COL14A1: variants seen among roughly 807,000 people sequenced by gnomAD.
COL14A1 encodes the protein collagen alpha-1(XIV) chain.
COL14A1 carries 136 observed loss-of-function variants against 230.3 expected under a neutral mutation model. The ratio of observed to expected loss-of-function variants is 0.59; its 90% CI spans 0.51 to 0.68. The LOEUF is 0.68. Among genes scored for constraint, COL14A1 ranks in the 30% least tolerant of loss-of-function variants. COL14A1 has a pLI of 0.00. For missense variants in COL14A1, 1,976 were observed against 2,215.8 expected (o/e 0.89, Z 2.17); for synonymous variants, 792 against 784.1 (o/e 1.01, Z -0.17).
At position 120,300,736 on chromosome 8, in the gene COL14A1, A is replaced by T. The variant is rs772634503; in HGVS notation, c.4319A>T (p.Asp1440Val). Residue 1440 changes from aspartate (D) to valine (V), a missense_variant, in exon 36 of 48, where the codon GAT (aspartate) becomes GTT (valine). This residue lies in a region of COL14A1 where 1,791 missense variants were observed against 2,019.5 expected (regional missense o/e 0.89). Coordinates refer to ENST00000297848, the MANE Select transcript of COL14A1 (RefSeq NM_021110.4). The stretch of plus-strand genomic sequence containing the variant: ...GCTTTTTTTGTTTCTTTTCAGAGAG[A>T]TGATGAGTCTTGCCCAGACCTTCCC... Reference protein sequence around the residue: ...DKCCELPGLRDDESCPDLPHS... With the variant: ...DKCCELPGLRVDESCPDLPHS... 2 of 1,612,658 alleles carry T rather than the reference A, an allele frequency of 1.2e-6. No individual in the cohort carries two copies. The highest frequency in any genetic ancestry group is 1.1e-5 in the South Asian group (1 of 90,878).
At chr8:120,342,588 C>G in intron 44 of COL14A1, 142 bp downstream of exon 44, 1 of 756,578 alleles carries the variant, frequency 1.3e-6, no homozygotes, top group Non-Finnish European at 2.2e-6. Flanking sequence ...AGATGACCAT[C>G]ACTGACCCAT....
At chr8:120,167,740 A>T (rs73321638) in intron 4 of COL14A1, among the ~76,000 whole-genome samples, 1,678 of 152,278 alleles carry the variant, frequency 0.011, 27 homozygotes, top group African/African-American at 0.037. Context: ...ATCTTTCTAG[A>T]ATGGGGACCA....
intron 32 of COL14A1, among the ~76,000 whole-genome samples, chr8:120,284,281 T>C (rs1338128236): frequency 6.6e-6 from 1 of 152,100 alleles, no homozygotes; most frequent in Non-Finnish European, 1.5e-5. Flanking sequence ...AACTAGAAAA[T>C]GAGTCTAGAA....
chr8:120,362,281 G>T (rs767904333), intron 45 of COL14A1, among the ~76,000 whole-genome samples: 1 of 152,170 alleles, frequency 6.6e-6, no homozygotes, highest in Non-Finnish European at 1.5e-5. Context: ...AGCAGTGCCT[G>T]CCCTCTTGGC....
intron 13 of COL14A1, chr8:120,213,890 A>C (rs1817678957): frequency 2.5e-6 from 1 of 404,526 alleles, no homozygotes; most frequent in African/African-American, 2.2e-5. Flanking sequence ...TGTGCACACT[A>C]CTTAATTATA....
chr8:120,220,067 T>C (rs1375403367), intron 14 of COL14A1, among the ~76,000 whole-genome samples: 1 of 152,138 alleles, frequency 6.6e-6, no homozygotes, highest in African/African-American at 2.4e-5. Flanking sequence ...AAGCATCTTT[T>C]ACTGAAGTGA....
intron 38 of COL14A1, 98 bp from the exon 39 acceptor site, chr8:120,315,435 G>A (rs1044340071): frequency 1.2e-6 from 1 of 826,834 alleles, no homozygotes; most frequent in Non-Finnish European, 1.9e-6. Context: ...GTGCAAACGC[G>A]ATTTACTGTG....
chr8:120,261,446 G>A (rs1819326381), intron 23 of COL14A1, among the ~76,000 whole-genome samples: 2 of 152,154 alleles, frequency 1.3e-5, no homozygotes, highest in Admixed American at 1.3e-4. Flanking sequence ...TATTGCTGTT[G>A]TTATAATTAA....
At chr8:120,255,625 C>A (rs1819122082) in intron 23 of COL14A1, among the ~76,000 whole-genome samples, 1 of 152,130 alleles carries the variant, frequency 6.6e-6, no homozygotes, top group African/African-American at 2.4e-5. Flanking sequence ...CTGAGATATT[C>A]CACATAAAGC....
chr8:120,135,795 T>G (rs1011297826), intron 1 of COL14A1, among the ~76,000 whole-genome samples: 2 of 152,160 alleles, frequency 1.3e-5, no homozygotes, highest in South Asian at 4.1e-4. Context: ...AATACACTTT[T>G]ATATTTTGGT....
chr8:120,368,567 A>G (rs368538631), intron 46 of COL14A1, among the ~76,000 whole-genome samples: 2 of 151,196 alleles, frequency 1.3e-5, no homozygotes, highest in African/African-American at 4.9e-5. Flanking sequence ...TGCCTTTTCA[A>G]CACTGTTGGA....
rs781408879 is a variant in COL14A1, at chr8:120,310,073, T to C, written c.4455+11T>C. ...GAACCGGGTCCAAAGGTAATGCGCA[T>C]GTTTTCTCTCTCTCTCTGTCTCATC... On this transcript the variant is annotated intron_variant, in intron 37 of 47. Transcript: ENST00000297848. 8.1e-6 allele frequency: 13 copies of C among 1,612,628 alleles called. No individual in the cohort carries two copies. In the Admixed American group the frequency reaches 2.0e-4, roughly 25 times the overall value.
At chr8:120,274,313 G>A (rs1409852087) in intron 26 of COL14A1, among the ~76,000 whole-genome samples, 1 of 151,756 alleles carries the variant, frequency 6.6e-6, no homozygotes, top group Non-Finnish European at 1.5e-5. Context: ...ATTGGGAATA[G>A]AAAGGACATA....
chr8:120,289,910 G>A, intron 34 of COL14A1, 144 bp downstream of exon 34: 11 of 775,828 alleles, frequency 1.4e-5, no homozygotes, highest in Non-Finnish European at 2.2e-5. Flanking sequence ...ATGGATGGAT[G>A]GATAGATGGA....
chr8:120,149,287 G>A (rs547039964), intron 2 of COL14A1, among the ~76,000 whole-genome samples: 2 of 152,302 alleles, frequency 1.3e-5, no homozygotes, highest in East Asian at 1.9e-4. Context: ...TAAGGGAGGC[G>A]TACCTGTTTG....
At chr8:120,250,112 A>G (rs995968094) in intron 21 of COL14A1, among the ~76,000 whole-genome samples, 1 of 152,216 alleles carries the variant, frequency 6.6e-6, no homozygotes, top group East Asian at 1.9e-4. Context: ...TAAGAGCATA[A>G]TCTGTCTGGT....
rs1252397590 is a variant in COL14A1 at position 120,332,157 on chromosome 8, A to G, written c.4676A>G (p.Asp1559Gly). Residue 1559 changes from aspartate to glycine, a missense_variant, in exon 41 of 48, where the codon GAT (aspartate) becomes GGT (glycine). Asp to Gly is a moderately conservative substitution (Grantham distance 94). Around this residue, in one of 3 missense-constraint regions of COL14A1, gnomAD observed 1,791 missense variants for 2,019.5 expected, o/e 0.89. Coordinates refer to ENST00000297848, the MANE Select transcript of COL14A1 (RefSeq NM_021110.4). ...SPGQRGLPGK[D>G]GSSGPPGPPG... ...TTTCGCCAGGGCCTTCCGGGAAAGG[A>G]TGGATCCTCGGGACCTCCAGGACCA... The G allele has an allele frequency of 6.2e-7, 1 of 1,614,014 alleles. No individual in the cohort carries two copies. Among genetic ancestry groups the G allele is most frequent in the Admixed American group, 1.7e-5 (1 of 59,998 alleles).
intron 23 of COL14A1, among the ~76,000 whole-genome samples, chr8:120,260,224 T>G (rs983111038): frequency 1.3e-5 from 2 of 152,162 alleles, no homozygotes; most frequent in African/African-American, 4.8e-5. Flanking sequence ...TTTAAAAGTC[T>G]ATATTTGTCC....
chr8:120,253,838 C>T (rs192696498), intron 22 of COL14A1, among the ~76,000 whole-genome samples: 6 of 152,090 alleles, frequency 3.9e-5, no homozygotes, highest in African/African-American at 2.4e-5. Context: ...GCAGGAGAAT[C>T]GCCTGTACCC....
Sources: gnomAD v4.1 joint callset for allele counts (sites outside exome capture counted in the v4.1 genomes callset) on GRCh38, gnomAD v4.1.1 for gene constraint, gnomAD v4.1.1 regional missense constraint, MANE v1.5 for transcripts, NCBI Gene and HGNC (gene_info 2026-07-23, HGNC 2026-07-21) for gene names.